BORCS5: variants seen among roughly 807,000 people sequenced by gnomAD.
The protein encoded by BORCS5 is BLOC-1-related complex subunit 5.
Under a neutral mutation model 22.1 loss-of-function variants are expected in BORCS5, and 17 were observed. The observed-to-expected ratio is 0.77, with a 90% CI of 0.53 to 1.15. The LOEUF (loss-of-function observed/expected upper bound fraction) is 1.15. BORCS5 is among the 50% of genes most tolerant of loss of function. The probability of loss-of-function intolerance (pLI) is 0.00; values close to 1 mark genes in which losing one functional copy is unlikely to be tolerated. For missense variants in BORCS5, 247 were observed against 253.2 expected, an observed-to-expected ratio of 0.98 and a Z score of 0.17; for synonymous variants, 117 against 99.8, an observed-to-expected ratio of 1.17 and a Z score of -1.03.
chr12:12,451,198 C>T (rs1281381869), intron 3 of BORCS5, among the ~76,000 whole-genome samples: 5 of 149,788 alleles, frequency 3.3e-5, no homozygotes, highest in Non-Finnish European at 4.4e-5. Flanking sequence ...ATAAAATATA[C>T]TTTACTTTGT....
chr12:12,444,741 A>C (rs561834127), intron 3 of BORCS5, among the ~76,000 whole-genome samples: 2 of 152,332 alleles, frequency 1.3e-5, no homozygotes, highest in Admixed American at 1.3e-4. Context: ...TGACATTAGG[A>C]ACAGATCTAA....
chr12:12,413,879 G>A (rs1400794988), intron 2 of BORCS5, among the ~76,000 whole-genome samples: 1 of 65,014 alleles, frequency 1.5e-5, no homozygotes, highest in Non-Finnish European at 3.1e-5. Flanking sequence ...CTGGTCAGGC[G>A]GGGGGCTGAC....
At chr12:12,429,643 A>G (rs1449346298) in intron 2 of BORCS5, among the ~76,000 whole-genome samples, 2 of 152,156 alleles carry the variant, frequency 1.3e-5, no homozygotes, top group Non-Finnish European at 2.9e-5. Flanking sequence ...TAGTGTGCCT[A>G]TTAGACCTGG....
chr12:12,430,209 G>GGT (rs1942387893), intron 2 of BORCS5, among the ~76,000 whole-genome samples: 2 of 139,658 alleles, frequency 1.4e-5, no homozygotes, highest in Non-Finnish European at 3.0e-5. Flanking sequence ...GGAGTGCAGT[G>GGT]GCAAGATCTC....
intron 3 of BORCS5, among the ~76,000 whole-genome samples, chr12:12,458,251 G>A (rs751982372): frequency 3.9e-5 from 6 of 152,176 alleles, no homozygotes; most frequent in Non-Finnish European, 5.9e-5. Flanking sequence ...GTCCCAAGAA[G>A]GTGAGATCCC....
At chr12:12,457,003 C>A (rs1461349114) in intron 3 of BORCS5, among the ~76,000 whole-genome samples, 2 of 151,978 alleles carry the variant, frequency 1.3e-5, no homozygotes, top group African/African-American at 4.8e-5. Context: ...AAATGTCATT[C>A]GGTTTTTTAT....
At chr12:12,412,713 G>T (rs1941768201) in intron 2 of BORCS5, among the ~76,000 whole-genome samples, 1 of 152,058 alleles carries the variant, frequency 6.6e-6, no homozygotes, top group African/African-American at 2.4e-5. Context: ...TAGAGGGAAA[G>T]CTTTCAGGTC....
At chr12:12,419,553 T>C (rs1421759418) in intron 2 of BORCS5, among the ~76,000 whole-genome samples, 4 of 152,240 alleles carry the variant, frequency 2.6e-5, no homozygotes, top group African/African-American at 9.6e-5. Context: ...CCTTTGGGTA[T>C]ATACCCAGTA....
chr12:12,438,365 A>AAAAAAAAAAAAAC (rs1942600493), intron 3 of BORCS5, among the ~76,000 whole-genome samples: 3 of 118,122 alleles, frequency 2.5e-5, no homozygotes, highest in African/African-American at 8.8e-5. Flanking sequence ...CATCTCAAAA[A>AAAAAAAAAAAAAC]AAAAAAAAAA....
At chr12:12,426,603 C>T (rs1293942976) in intron 2 of BORCS5, among the ~76,000 whole-genome samples, 1 of 152,202 alleles carries the variant, frequency 6.6e-6, no homozygotes, top group African/African-American at 2.4e-5. Flanking sequence ...CATTGCTTAC[C>T]ACAAATTCCC....
At chr12:12,445,496 CTTTTTTT>C (rs5796492) in intron 3 of BORCS5, among the ~76,000 whole-genome samples, 1 of 45,774 alleles carries the variant, frequency 2.2e-5, no homozygotes, top group Non-Finnish European at 3.8e-5. Context: ...ACATGCATTG[CTTTTTTT>C]TTTTTTTTTT....
rs1269962430 is a variant in BORCS5, at chr12:12,357,395, C to T, written c.-57C>T. ...CCCTGGCCCCTGCCCTGTCGCCCGCCGCCGGAGCGGTGACCGCCCGGCCCG... is the reference window on the plus strand; with the variant it reads ...CCCTGGCCCCTGCCCTGTCGCCCGCTGCCGGAGCGGTGACCGCCCGGCCCG... On this transcript the variant is annotated 5_prime_UTR_variant, in exon 1 of 4. Transcript: ENST00000314565. 1 of 1,583,236 alleles carries T rather than the reference C, an allele frequency of 6.3e-7. No individual in the cohort carries two copies. Among genetic ancestry groups the T allele is most frequent in the South Asian group, 1.1e-5 (1 of 88,636 alleles).
At chr12:12,387,094 C>G (rs1466676713) in intron 2 of BORCS5, among the ~76,000 whole-genome samples, 1 of 151,240 alleles carries the variant, frequency 6.6e-6, no homozygotes, top group African/African-American at 2.4e-5. Flanking sequence ...TCTCAAACAC[C>G]TGGCCTCAAG....
At chr12:12,389,493 GC>G (rs1863955568) in intron 2 of BORCS5, among the ~76,000 whole-genome samples, 3 of 142,674 alleles carry the variant, frequency 2.1e-5, no homozygotes, top group Admixed American at 1.4e-4. Flanking sequence ...ATATACCTCT[GC>G]CAGTATCTTT....
In BORCS5 at chr12:12,467,889, T is replaced by G. The variant is rs556225259; in HGVS notation, c.*2113T>G. ...TACCATGGATCTCCTGCACTTGTGG[T>G]GTGGGCAGCCGCTGGGCCCACGGCT... On this transcript the variant is annotated 3_prime_UTR_variant, in exon 4 of 4. Coordinates refer to ENST00000314565, the MANE Select transcript of BORCS5 (RefSeq NM_058169.6). 62 of 152,398 alleles carry G rather than the reference T, an allele frequency of 4.1e-4. No individual in the cohort carries two copies. The highest frequency in any genetic ancestry group is 1.4e-3 in the African/African-American group (60 of 41,596). 9.4% of individuals were successfully genotyped at this position (152,398 alleles called of 1,614,324 possible).
At chr12:12,437,539 T>A (rs924146633) in intron 3 of BORCS5, among the ~76,000 whole-genome samples, 9 of 152,198 alleles carry the variant, frequency 5.9e-5, no homozygotes, top group Non-Finnish European at 8.8e-5. Context: ...ACTAGTCCCA[T>A]ATAAAGAGGT....
At chr12:12,391,036 T>G (rs1177757045) in intron 2 of BORCS5, among the ~76,000 whole-genome samples, 1 of 152,090 alleles carries the variant, frequency 6.6e-6, no homozygotes, top group East Asian at 1.9e-4. Flanking sequence ...TTTCCATCCA[T>G]TGGTTCCAAC....
Position 12,431,488 on chromosome 12 carries a change from C to T in BORCS5, c.203-4140C>T, listed in dbSNP as rs1176014754. On this transcript the variant is annotated intron_variant, in intron 2 of 3. Coordinates refer to ENST00000314565, the MANE Select transcript of BORCS5 (RefSeq NM_058169.6). ...CATGATCGCGGCTCACTGCAAGCTC[C>T]GCCTCCGGGTTCAAGCGATTCTCCT... Among the ~76,000 whole-genome samples, 8 of 147,906 alleles carry T rather than the reference C, an allele frequency of 5.4e-5. 1 individual carries two copies. The South Asian group carries it at 8.4e-4, about 16-fold the overall frequency.
intron 2 of BORCS5, among the ~76,000 whole-genome samples, chr12:12,410,162 C>A (rs1941694291): frequency 6.6e-6 from 1 of 152,130 alleles, no homozygotes; most frequent in African/African-American, 2.4e-5. Context: ...AACATTTTCT[C>A]CCATTCTGTA....
Sources: allele counts gnomAD v4.1 joint callset (sites outside exome capture counted in the v4.1 genomes callset), GRCh38; gene constraint gnomAD v4.1.1; transcripts MANE v1.5; gene names NCBI Gene and HGNC (gene_info 2026-07-23, HGNC 2026-07-21).